NPFFR2: variants seen among roughly 807,000 people sequenced by gnomAD.
NPFFR2 encodes the protein G-protein coupled receptor 74.
NPFFR2 carries 15 observed loss-of-function variants against 13.1 expected under a neutral mutation model. That is an observed-to-expected ratio of 1.15 (90% CI 0.77 to 1.76). NPFFR2 has a LOEUF of 1.76. NPFFR2 is among the 40% of genes most tolerant of loss of function. The pLI, the probability that NPFFR2 is intolerant of heterozygous loss-of-function variation, is 0.00. For missense variants in NPFFR2, 572 were observed against 503.5 expected (o/e 1.14, Z -1.30); for synonymous variants, 190 against 175.7 (o/e 1.08, Z -0.65).
intron 1 of NPFFR2, among the ~76,000 whole-genome samples, chr4:72,058,442 G>A (rs1187463687): frequency 6.6e-6 from 1 of 151,730 alleles, no homozygotes; most frequent in Non-Finnish European, 1.5e-5. Flanking sequence ...TACCCCAGAG[G>A]AGTCTGGTTC....
At chr4:72,044,414 A>G (rs1371927631) in intron 1 of NPFFR2, among the ~76,000 whole-genome samples, 1 of 152,134 alleles carries the variant, frequency 6.6e-6, no homozygotes, top group Non-Finnish European at 1.5e-5. Context: ...ATTCTTCTGT[A>G]TGTGGTTTGC....
chr4:72,097,245 G>A (rs1222433199), intron 1 of NPFFR2, among the ~76,000 whole-genome samples: 1 of 151,900 alleles, frequency 6.6e-6, no homozygotes, highest in East Asian at 1.9e-4. Flanking sequence ...CGTTTTTGTG[G>A]CTATAATATA....
chr4:72,100,058 A>G (rs1240214009), intron 1 of NPFFR2, among the ~76,000 whole-genome samples: 1 of 152,184 alleles, frequency 6.6e-6, no homozygotes, highest in Non-Finnish European at 1.5e-5. Context: ...TCTGACTTCT[A>G]ACTTAATATG....
intron 1 of NPFFR2, among the ~76,000 whole-genome samples, chr4:72,117,913 T>G (rs1273963872): frequency 6.6e-6 from 1 of 152,084 alleles, no homozygotes; most frequent in African/African-American, 2.4e-5. Flanking sequence ...TGTGTTCTGG[T>G]AGCACTAGCC....
At chr4:72,127,395 G>T (rs1388118838) in intron 1 of NPFFR2, among the ~76,000 whole-genome samples, 1 of 70,506 alleles carries the variant, frequency 1.4e-5, no homozygotes, top group African/African-American at 7.1e-5. Flanking sequence ...ACGGAGTCTC[G>T]CTCTGTCGCC....
chr4:72,082,680 T>C (rs1720661294), intron 1 of NPFFR2, among the ~76,000 whole-genome samples: 1 of 152,142 alleles, frequency 6.6e-6, no homozygotes, highest in South Asian at 2.1e-4. Context: ...TAGAATCTAC[T>C]ATCTTAGCAT....
At chr4:72,112,249 G>T (rs1721585893) in intron 1 of NPFFR2, among the ~76,000 whole-genome samples, 1 of 138,794 alleles carries the variant, frequency 7.2e-6, no homozygotes, top group Non-Finnish European at 1.7e-5. Flanking sequence ...TAAGAAGTGG[G>T]AGGGAGGATC....
chr4:72,117,796 G>A (rs972778673), intron 1 of NPFFR2, among the ~76,000 whole-genome samples: 2 of 152,140 alleles, frequency 1.3e-5, no homozygotes, highest in Non-Finnish European at 2.9e-5. Flanking sequence ...GAAAGAAAAT[G>A]TAAACAATTT....
intron 1 of NPFFR2, among the ~76,000 whole-genome samples, chr4:72,100,718 A>G (rs1721217229): frequency 6.6e-6 from 1 of 152,208 alleles, no homozygotes; most frequent in Admixed American, 6.5e-5. Context: ...CTGTTAATAT[A>G]ATTTCTTGAA....
chr4:72,078,080 A>C (rs902076868), intron 1 of NPFFR2, among the ~76,000 whole-genome samples: 10 of 152,070 alleles, frequency 6.6e-5, no homozygotes, highest in African/African-American at 2.4e-4. Flanking sequence ...ATAATCTATA[A>C]TTGGTGTGCT....
chr4:72,041,120 A>T (rs1719203753), intron 1 of NPFFR2, among the ~76,000 whole-genome samples: 1 of 152,084 alleles, frequency 6.6e-6, no homozygotes, highest in Non-Finnish European at 1.5e-5. Context: ...ACTACCCAAT[A>T]CGTAATTTTT....
At chr4:72,101,877 C>T (rs541185336) in intron 1 of NPFFR2, among the ~76,000 whole-genome samples, 2 of 152,062 alleles carry the variant, frequency 1.3e-5, no homozygotes, top group African/African-American at 4.8e-5. Flanking sequence ...CCCATCCAAT[C>T]TAAGAATCCA....
chr4:72,063,036 C>T (rs2109776432), intron 1 of NPFFR2, among the ~76,000 whole-genome samples: 1 of 152,294 alleles, frequency 6.6e-6, no homozygotes, highest in East Asian at 1.9e-4. Flanking sequence ...TACACAGTGA[C>T]ATGATTACAA....
At chr4:72,078,992 T>A (rs772436117) in intron 1 of NPFFR2, among the ~76,000 whole-genome samples, 20 of 151,926 alleles carry the variant, frequency 1.3e-4, no homozygotes, top group Admixed American at 2.6e-4. Flanking sequence ...ATGATAAAAC[T>A]GTTATTTTGA....
At chr4:72,112,950 C>A (rs950181174) in intron 1 of NPFFR2, among the ~76,000 whole-genome samples, 4 of 152,220 alleles carry the variant, frequency 2.6e-5, no homozygotes, top group Admixed American at 2.0e-4. Flanking sequence ...TAGCCTTCAA[C>A]TTACATAGCT....
chr4:72,049,922 C>G (rs1719493904), intron 1 of NPFFR2, among the ~76,000 whole-genome samples: 1 of 151,960 alleles, frequency 6.6e-6, no homozygotes, highest in South Asian at 2.1e-4. Context: ...TTCAACTACA[C>G]TTGAATTTAT....
In NPFFR2 at chr4:72,069,892, CTG is replaced by C. The variant is rs1491472727; in HGVS notation, c.-8+37694_-8+37695del. Among the ~76,000 whole-genome samples the C allele has an allele frequency of 3.3e-5, 5 of 152,048 alleles. No individual in the cohort carries two copies. The East Asian group carries it at 9.6e-4, about 29-fold the overall frequency. ...AATATAAAAAAATTGATCATACAAA[CTG>C]TTAATAATAGCCGACATTTATAATC... On this transcript the variant is annotated intron_variant, in intron 1 of 3. Transcript: ENST00000308744.
intron 1 of NPFFR2, among the ~76,000 whole-genome samples, chr4:72,113,309 T>C (rs1435063767): frequency 6.6e-6 from 1 of 152,074 alleles, no homozygotes; most frequent in Non-Finnish European, 1.5e-5. Context: ...TTTATTGTTC[T>C]TTGCTTGAAG....
At chr4:72,035,503 C>T (rs971967891) in intron 1 of NPFFR2, among the ~76,000 whole-genome samples, 1 of 151,984 alleles carries the variant, frequency 6.6e-6, no homozygotes, top group Non-Finnish European at 1.5e-5. Flanking sequence ...TTTAGCCCCC[C>T]CTAAAAAAGT....
Sources: gnomAD v4.1 joint callset for allele counts (sites outside exome capture counted in the v4.1 genomes callset) on GRCh38, gnomAD v4.1.1 for gene constraint, MANE v1.5 for transcripts, NCBI Gene and HGNC (gene_info 2026-07-23, HGNC 2026-07-21) for gene names.